CCSER1: variants seen among roughly 807,000 people sequenced by gnomAD.
CCSER1 encodes the protein serine-rich coiled-coil domain-containing protein 1.
In CCSER1, 41 loss-of-function variants were observed where a neutral mutation model predicts 82.0. That is an observed-to-expected ratio of 0.50 (90% CI 0.39 to 0.65). The LOEUF (loss-of-function observed/expected upper bound fraction) is 0.65, where lower values mean the gene tolerates loss of function less well. CCSER1 is among the 30% of genes least tolerant of loss of function. The pLI is 0.00. For missense variants in CCSER1, 1,119 were observed against 1,064.2 expected (o/e 1.05, Z -0.72); for synonymous variants, 414 against 383.9 (o/e 1.08, Z -0.92).
intron 10 of CCSER1, among the ~76,000 whole-genome samples, chr4:91,463,413 A>G (rs1424988371): frequency 2.0e-5 from 3 of 152,228 alleles, no homozygotes; most frequent in Non-Finnish European, 4.4e-5. Context: ...GGGAAAAAAC[A>G]GAGCAAAAAA....
At chr4:91,334,970 G>A (rs1384578201) in intron 10 of CCSER1, among the ~76,000 whole-genome samples, 1 of 151,918 alleles carries the variant, frequency 6.6e-6, no homozygotes, top group Non-Finnish European at 1.5e-5. Context: ...CTGCCTGAAG[G>A]TTTTCTTACT....
intron 10 of CCSER1, among the ~76,000 whole-genome samples, chr4:91,469,797 T>G (rs1560696854): frequency 6.6e-6 from 1 of 152,166 alleles, no homozygotes; most frequent in African/African-American, 2.4e-5. Context: ...ATAAGACTAA[T>G]TTTGTATGTT....
chr4:91,264,398 T>G (rs1436314285), intron 10 of CCSER1, among the ~76,000 whole-genome samples: 1 of 151,930 alleles, frequency 6.6e-6, no homozygotes, highest in Non-Finnish European at 1.5e-5. Flanking sequence ...TAGGGCATTT[T>G]CTCCATAAGT....
At chr4:90,599,315 G>A (rs1473574705) in intron 5 of CCSER1, among the ~76,000 whole-genome samples, 5 of 152,028 alleles carry the variant, frequency 3.3e-5, no homozygotes, top group East Asian at 1.9e-4. Flanking sequence ...GAGTTCTCAC[G>A]AGAGCTGATG....
intron 6 of CCSER1, among the ~76,000 whole-genome samples, chr4:90,637,527 G>C (rs1238564909): frequency 6.6e-6 from 1 of 152,074 alleles, no homozygotes; most frequent in African/African-American, 2.4e-5. Flanking sequence ...CCAGTCAATG[G>C]TGTATTCCTC....
intron 9 of CCSER1, among the ~76,000 whole-genome samples, chr4:90,932,892 AGGAAGG>A (rs1230567159): frequency 9.7e-6 from 1 of 103,550 alleles, no homozygotes; most frequent in Non-Finnish European, 1.9e-5. Context: ...GAAAGAAAGA[AGGAAGG>A]AGAAAGAAGG....
Position 91,126,924 on chromosome 4 carries a change from G to GT in CCSER1, c.2217+40935dup, listed in dbSNP as rs1323509392. 3.3e-5 allele frequency among the ~76,000 whole-genome samples: 5 copies of GT among 152,024 alleles called. No individual in the cohort carries two copies. The East Asian group carries it at 7.7e-4, about 23-fold the overall frequency. On this transcript the variant is annotated intron_variant, in intron 10 of 10. Coordinates refer to ENST00000509176, the MANE Select transcript of CCSER1 (RefSeq NM_001145065.2). ...CAGAAACTTGAAGTGGACAGGATTGGTTTTTCAGGATTTTTTTTTTCCACC... is the reference window on the plus strand; with the variant it reads ...CAGAAACTTGAAGTGGACAGGATTGGTTTTTTCAGGATTTTTTTTTTCCACC...
chr4:90,327,340 C>T (rs1183130265), intron 3 of CCSER1, among the ~76,000 whole-genome samples: 8 of 152,182 alleles, frequency 5.3e-5, no homozygotes, highest in Non-Finnish European at 2.9e-5. Flanking sequence ...AATTCTACCA[C>T]TTGTCCCCAT....
intron 3 of CCSER1, among the ~76,000 whole-genome samples, chr4:90,374,720 T>A (rs1561122144): frequency 6.6e-6 from 1 of 152,186 alleles, no homozygotes; most frequent in Non-Finnish European, 1.5e-5. Context: ...ACCTCACTGC[T>A]GATGGTATTT....
chr4:90,884,529 G>A (rs1328888821), intron 8 of CCSER1, among the ~76,000 whole-genome samples: 1 of 152,002 alleles, frequency 6.6e-6, no homozygotes. Context: ...TAGAGAAAGT[G>A]GTAAATTGGA....
chr4:91,493,523 T>A (rs1320658937), intron 10 of CCSER1, among the ~76,000 whole-genome samples: 3 of 151,844 alleles, frequency 2.0e-5, no homozygotes, highest in Non-Finnish European at 4.4e-5. Flanking sequence ...CAATTACAAT[T>A]AAAAAGGCAA....
intron 10 of CCSER1, among the ~76,000 whole-genome samples, chr4:91,139,071 G>A (rs531606244): frequency 6.6e-6 from 1 of 152,032 alleles, no homozygotes; most frequent in African/African-American, 2.4e-5. Flanking sequence ...GTCTGTTGTT[G>A]CCATCTTTAT....
intron 1 of CCSER1, among the ~76,000 whole-genome samples, chr4:90,290,359 G>A (rs1332396554): frequency 6.6e-6 from 1 of 151,720 alleles, no homozygotes; most frequent in African/African-American, 2.4e-5. Context: ...TATATACATA[G>A]GATTCCAATG....
rs886413976 is a variant in CCSER1, at chr4:90,989,830, A to T, written c.2172+66383A>T. On this transcript the variant is annotated intron_variant, in intron 9 of 10. Coordinates refer to ENST00000509176, the MANE Select transcript of CCSER1 (RefSeq NM_001145065.2). Reference sequence around the variant, plus strand: ...GTCTTATATTTGACAGAAAACAGGGAGATAGAATTAGAGAGAGAGAAAGAA... The same window carrying T: ...GTCTTATATTTGACAGAAAACAGGGTGATAGAATTAGAGAGAGAGAAAGAA... Among the ~76,000 whole-genome samples the T allele has an allele frequency of 1.3e-4, 19 of 151,902 alleles. 1 individual carries two copies. Among genetic ancestry groups the T allele is most frequent in the Admixed American group, 5.3e-4 (8 of 15,206 alleles).
chr4:90,635,938 A>G (rs2148956071), intron 6 of CCSER1, among the ~76,000 whole-genome samples: 1 of 152,042 alleles, frequency 6.6e-6, no homozygotes, highest in East Asian at 1.9e-4. Context: ...AGAAGGGCAA[A>G]TTAAATCCAA....
chr4:90,951,838 A>G (rs1561411207), intron 9 of CCSER1, among the ~76,000 whole-genome samples: 1 of 152,038 alleles, frequency 6.6e-6, no homozygotes, highest in African/African-American at 2.4e-5. Context: ...TAAGGAGAGG[A>G]TACTGAGGTG....
chr4:91,030,193 T>A lies in CCSER1; in HGVS notation c.2173-55757T>A, dbSNP rs552388857. On this transcript the variant is annotated intron_variant, in intron 9 of 10. Transcript: ENST00000509176. Reference sequence around the variant, plus strand: ...AATTACAGTTTATGAAATTTTTTTTTAAAAAGCCAGAAAACCACATTATCA... The same window carrying A: ...AATTACAGTTTATGAAATTTTTTTTAAAAAAGCCAGAAAACCACATTATCA... Among the ~76,000 whole-genome samples the A allele has an allele frequency of 4.6e-5, 7 of 151,244 alleles. No homozygotes were observed. The East Asian group carries it at 7.7e-4, about 17-fold the overall frequency.
At chr4:90,226,597 A>G (rs911557510) in intron 1 of CCSER1, among the ~76,000 whole-genome samples, 1 of 152,338 alleles carries the variant, frequency 6.6e-6, no homozygotes, top group East Asian at 1.9e-4. Flanking sequence ...GGAAGATAAA[A>G]CATGTTGAGA....
chr4:91,238,438 A>G (rs1739189455), intron 10 of CCSER1, among the ~76,000 whole-genome samples: 1 of 152,200 alleles, frequency 6.6e-6, no homozygotes. Context: ...CAGCTGTGTG[A>G]AAACCTTAGC....
Sources: allele counts gnomAD v4.1 joint callset (sites outside exome capture counted in the v4.1 genomes callset), GRCh38; gene constraint gnomAD v4.1.1; transcripts MANE v1.5; gene names NCBI Gene and HGNC (gene_info 2026-07-23, HGNC 2026-07-21).